SEPTIN2: variants seen among roughly 807,000 people sequenced by gnomAD.
The protein encoded by SEPTIN2 is septin 2, also known as septin-2.
Under a neutral mutation model 46.5 loss-of-function variants are expected in SEPTIN2, and 34 were observed. That is an observed-to-expected ratio of 0.73 (90% confidence interval 0.56 to 0.97). The LOEUF is 0.97. Among genes scored for constraint, SEPTIN2 ranks in the 50% least tolerant of loss-of-function variants. The pLI is 0.00. For missense variants in SEPTIN2, 347 were observed against 448.4 expected (o/e 0.77, Z 2.04); for synonymous variants, 175 against 153.4 (o/e 1.14, Z -1.04).
At chr2:241,345,125 C>A (rs1057120200) in intron 9 of SEPTIN2, among the ~76,000 whole-genome samples, 49 of 151,488 alleles carry the variant, frequency 3.2e-4, no homozygotes, top group Non-Finnish European at 6.6e-4. Flanking sequence ...AAAAAAAAAA[C>A]CAAAAAGAAC....
intron 3 of SEPTIN2, among the ~76,000 whole-genome samples, chr2:241,330,358 G>T (rs1047119164): frequency 6.6e-6 from 1 of 152,200 alleles, no homozygotes; most frequent in Non-Finnish European, 1.5e-5. Flanking sequence ...CATGTAAATG[G>T]TTAAAAAATA....
At chr2:241,337,319 T>C (rs1214500029) in intron 5 of SEPTIN2, 63 bp from the exon 6 acceptor site, 4 of 1,448,682 alleles carry the variant, frequency 2.8e-6, no homozygotes, top group African/African-American at 2.9e-5. Flanking sequence ...TGTTTTCCCT[T>C]TGAAGTCAGG....
rs141633203 is a variant in SEPTIN2, at chr2:241,350,174, A to G, written c.1086A>G (p.Ter362=). 6.2e-7 allele frequency: 1 copy of G among 1,611,006 alleles called. No individual in the cohort carries two copies. The highest frequency in any genetic ancestry group is 1.1e-5 in the South Asian group (1 of 90,610). ...GCGGGGCTCTCGGGCACCACGTGTA[A>G]GGTGATGTGCACATATCAAGAAGTC... The part of the protein sequence containing the change: ...GDGGALGHHV[*] The change falls in exon 12 of 13, where the codon TAA becomes TAG. Residue 362 remains the stop codon, a stop_retained_variant. Coordinates refer to ENST00000391971, the MANE Select transcript of SEPTIN2 (RefSeq NM_004404.5).
At chr2:241,345,331 G>A (rs2081866286) in intron 9 of SEPTIN2, among the ~76,000 whole-genome samples, 1 of 152,218 alleles carries the variant, frequency 6.6e-6, no homozygotes, top group African/African-American at 2.4e-5. Flanking sequence ...CAATTTAATG[G>A]TTGTGTAAGA....
chr2:241,322,943 T>G (rs966024866), intron 1 of SEPTIN2, among the ~76,000 whole-genome samples: 3 of 152,132 alleles, frequency 2.0e-5, no homozygotes, highest in Admixed American at 6.5e-5. Context: ...ATATAGTCAG[T>G]ACTGAAAAAA....
At chr2:241,321,355 A>T (rs1206761193) in intron 1 of SEPTIN2, among the ~76,000 whole-genome samples, 2 of 152,132 alleles carry the variant, frequency 1.3e-5, no homozygotes, top group Non-Finnish European at 2.9e-5. Context: ...TATGAATATT[A>T]CATCTTCCCT....
At chr2:241,337,649 T>A (rs2080259253) in intron 6 of SEPTIN2, 24 bp from the exon 7 acceptor site, 1 of 1,592,338 alleles carries the variant, frequency 6.3e-7, no homozygotes, top group Non-Finnish European at 8.6e-7. Context: ...TTTAAATAAG[T>A]GACAATTCTA....
At position 241,324,256 on chromosome 2, in the gene SEPTIN2, C is replaced by G. The variant is rs1201697625; in HGVS notation, c.9+15C>G. On this transcript the variant is annotated intron_variant, in intron 2 of 12. Coordinates refer to ENST00000391971, the MANE Select transcript of SEPTIN2 (RefSeq NM_004404.5). ...AGATGTCTAAGGTAAGATCATACTTCATGTATCTACAGCATAAGGAGAAAT... is the reference window on the plus strand; with the variant it reads ...AGATGTCTAAGGTAAGATCATACTTGATGTATCTACAGCATAAGGAGAAAT... 3 of 1,604,292 alleles carry G rather than the reference C, an allele frequency of 1.9e-6. No homozygotes were observed. Among genetic ancestry groups the G allele is most frequent in the Non-Finnish European group, 2.6e-6 (3 of 1,174,202 alleles).
chr2:241,316,804 T>G (rs1322185322), intron 1 of SEPTIN2: 1 of 369,812 alleles, frequency 2.7e-6, no homozygotes, highest in South Asian at 8.4e-5. Flanking sequence ...TTCAAACTTC[T>G]GCACCTTTGG....
intron 1 of SEPTIN2, among the ~76,000 whole-genome samples, chr2:241,319,474 T>C (rs757141782): frequency 6.6e-6 from 1 of 152,286 alleles, no homozygotes; most frequent in Non-Finnish European, 1.5e-5. Flanking sequence ...AAAATAATTA[T>C]GGAAGGGCAT....
intron 12 of SEPTIN2, 65 bp downstream of exon 12, chr2:241,350,268 G>A (rs2060664594): frequency 1.1e-6 from 1 of 908,246 alleles, no homozygotes; most frequent in Non-Finnish European, 1.6e-6. Context: ...GCTTAAATAT[G>A]ACAGGTTCCT....
chr2:241,322,991 C>CATAT, intron 1 of SEPTIN2, among the ~76,000 whole-genome samples: 1 of 151,878 alleles, frequency 6.6e-6, no homozygotes, highest in Admixed American at 6.6e-5. Context: ...TATGTGCGTA[C>CATAT]ATATATATAT....
At chr2:241,324,388 C>CTT (rs5839771) in intron 2 of SEPTIN2, 147 bp downstream of exon 2, 257 of 454,118 alleles carry the variant, frequency 5.7e-4, no homozygotes, top group Middle Eastern at 1.3e-3. Flanking sequence ...ATTTAGTTGT[C>CTT]TTTTTTTTTT....
upstream of SEPTIN2, chr2:241,315,643 C>T (rs2076053867): frequency 6.6e-6 from 1 of 152,372 alleles, no homozygotes; most frequent in Non-Finnish European, 1.5e-5. Context: ...GACAAGCCGC[C>T]ATCTTGGTAA....
chr2:241,336,021 T>A lies in SEPTIN2; in HGVS notation c.264T>A (p.Ile88=). 1 of 1,614,150 alleles carries A rather than the reference T, an allele frequency of 6.2e-7. No homozygotes were observed. Among genetic ancestry groups the A allele is most frequent in the Non-Finnish European group, 8.5e-7 (1 of 1,180,002 alleles). ...AGATTGAGGCTTCAACTGTTGAAAT[T>A]GAAGAGCGAGGGGTCAAGCTACGCC... is the stretch of plus-strand genomic sequence containing the variant. The part of the protein sequence containing the change: ...TVQIEASTVE[I]EERGVKLRLT... Residue 88 remains isoleucine (I), a synonymous_variant, in exon 5 of 13, where the codon ATT becomes ATA. Transcript: ENST00000391971.
intron 3 of SEPTIN2, among the ~76,000 whole-genome samples, chr2:241,332,888 C>T: frequency 6.6e-6 from 1 of 152,134 alleles, no homozygotes; most frequent in East Asian, 1.9e-4. Context: ...TTGTATGATG[C>T]CATTTAAAAG....
intron 11 of SEPTIN2, among the ~76,000 whole-genome samples, chr2:241,348,496 G>T (rs949853422): frequency 6.6e-6 from 1 of 152,250 alleles, no homozygotes. Flanking sequence ...CTCCCAAAGT[G>T]CTGGGATTAC....
At chr2:241,319,967 GA>G (rs1266205495) in intron 1 of SEPTIN2, among the ~76,000 whole-genome samples, 2 of 152,132 alleles carry the variant, frequency 1.3e-5, no homozygotes, top group Admixed American at 6.6e-5. Context: ...ATTAATGCAT[GA>G]TTTTTTTTCC....
chr2:241,315,748 A>C (rs577438270), upstream of SEPTIN2: 1 of 152,514 alleles, frequency 6.6e-6, no homozygotes, highest in African/African-American at 2.4e-5. Flanking sequence ...AGAGGCGGAC[A>C]ACGCGGACGA....
Sources: gnomAD v4.1 joint callset for allele counts (sites outside exome capture counted in the v4.1 genomes callset) on GRCh38, gnomAD v4.1.1 for gene constraint, MANE v1.5 for transcripts, NCBI Gene and HGNC (gene_info 2026-07-23, HGNC 2026-07-21) for gene names.